The following PACRG variants were observed in gnomAD, a reference collection of about 807,000 sequenced individuals.
The protein encoded by PACRG is parkin coregulated gene protein.
A neutral mutation model predicts 29.7 loss-of-function variants in PACRG; 29 were observed. That is an observed-to-expected ratio of 0.98 (90% confidence interval 0.73 to 1.33). The LOEUF (loss-of-function observed/expected upper bound fraction) is 1.33, where lower values mean the gene tolerates loss of function less well. PACRG is among the 40% of genes most tolerant of loss of function. PACRG has a pLI of 0.00. For missense variants in PACRG, 279 were observed against 316.2 expected (o/e 0.88, Z 0.89); for synonymous variants, 116 against 118.7 (o/e 0.98, Z 0.15).
At chr6:162,881,868 CA>C (rs1584640877) in intron 2 of PACRG, among the ~76,000 whole-genome samples, 1 of 138,280 alleles carries the variant, frequency 7.2e-6, no homozygotes. Context: ...GACCAGAGAC[CA>C]GGGGGCGCTC....
chr6:162,799,486 A>T (rs1338746329), intron 1 of PACRG, among the ~76,000 whole-genome samples: 2 of 152,098 alleles, frequency 1.3e-5, no homozygotes, highest in Non-Finnish European at 2.9e-5. Context: ...TATGTGTGTG[A>T]TATATATTTC....
intron 2 of PACRG, among the ~76,000 whole-genome samples, chr6:162,920,653 T>A (rs1797002931): frequency 6.6e-6 from 1 of 152,196 alleles, no homozygotes; most frequent in Non-Finnish European, 1.5e-5. Flanking sequence ...AACACTTCAC[T>A]GTATAAAAAT....
At chr6:163,104,928 C>A (rs1429829082) in intron 4 of PACRG, among the ~76,000 whole-genome samples, 1 of 152,078 alleles carries the variant, frequency 6.6e-6, no homozygotes, top group Admixed American at 6.6e-5. Flanking sequence ...CTAGTCTTAA[C>A]AATAACTCAT....
intron 2 of PACRG, among the ~76,000 whole-genome samples, chr6:162,937,988 G>A (rs560049526): frequency 6.6e-6 from 1 of 151,888 alleles, no homozygotes; most frequent in Non-Finnish European, 1.5e-5. Context: ...AGATTTTGGT[G>A]CACCCATTAC....
intron 2 of PACRG, among the ~76,000 whole-genome samples, chr6:162,981,584 G>C (rs2128172569): frequency 6.6e-6 from 1 of 151,976 alleles, no homozygotes; most frequent in South Asian, 2.1e-4. Context: ...AAAGATGGTG[G>C]TATTTTGATG....
intron 1 of PACRG, among the ~76,000 whole-genome samples, chr6:162,729,826 A>C (rs1404356320): frequency 1.3e-5 from 2 of 152,052 alleles, no homozygotes; most frequent in Non-Finnish European, 2.9e-5. Context: ...AGTTCTGCAA[A>C]ATCTGATGTT....
intron 1 of PACRG, among the ~76,000 whole-genome samples, chr6:162,751,109 TTTTA>T (rs1235643774): frequency 1.3e-5 from 2 of 152,320 alleles, no homozygotes; most frequent in Admixed American, 1.3e-4. Flanking sequence ...TATACATTAT[TTTTA>T]TTTGTGTTTA....
At chr6:162,909,283 C>T (rs186510571) in intron 2 of PACRG, among the ~76,000 whole-genome samples, 30 of 152,106 alleles carry the variant, frequency 2.0e-4, no homozygotes, top group South Asian at 1.2e-3. Context: ...TGGCCAGGCG[C>T]GGGGGCTCAT....
chr6:162,946,021 A>G (rs192546119), intron 2 of PACRG, among the ~76,000 whole-genome samples: 276 of 152,258 alleles, frequency 1.8e-3, no homozygotes, highest in African/African-American at 6.0e-3. Flanking sequence ...CACTGTTCAA[A>G]GGAAAGTTTA....
intron 3 of PACRG, among the ~76,000 whole-genome samples, chr6:163,079,360 T>C (rs1356932400): frequency 1.3e-5 from 2 of 150,658 alleles, no homozygotes; most frequent in Non-Finnish European, 2.9e-5. Context: ...TACAGGCTGG[T>C]ACCAAATCAT....
At chr6:162,972,193 C>A (rs187374457) in intron 2 of PACRG, among the ~76,000 whole-genome samples, 1 of 152,142 alleles carries the variant, frequency 6.6e-6, no homozygotes, top group Non-Finnish European at 1.5e-5. Context: ...ACAAAGAGAT[C>A]GGCTTGAGTG....
intron 1 of PACRG, among the ~76,000 whole-genome samples, chr6:162,743,343 A>G (rs1438474304): frequency 6.6e-6 from 1 of 152,180 alleles, no homozygotes; most frequent in East Asian, 1.9e-4. Context: ...ATAAAAGAGA[A>G]AAGATAAATC....
intron 2 of PACRG, among the ~76,000 whole-genome samples, chr6:162,950,876 T>A (rs1799598208): frequency 6.6e-6 from 1 of 152,182 alleles, no homozygotes; most frequent in Admixed American, 6.5e-5. Context: ...AACCAGTTGA[T>A]GAAAATAAGC....
At chr6:163,305,065 C>A (rs2128191339) in intron 4 of PACRG, among the ~76,000 whole-genome samples, 1 of 152,316 alleles carries the variant, frequency 6.6e-6, no homozygotes, top group East Asian at 1.9e-4. Context: ...AAAGGAGGGC[C>A]AAGGGCAGCA....
At chr6:163,290,537 C>T (rs1170816034) in intron 4 of PACRG, among the ~76,000 whole-genome samples, 1 of 152,162 alleles carries the variant, frequency 6.6e-6, no homozygotes, top group African/African-American at 2.4e-5. Flanking sequence ...CACCCCTGGA[C>T]CTGCGGCTGC....
intron 2 of PACRG, among the ~76,000 whole-genome samples, chr6:162,862,769 T>A (rs1273595492): frequency 2.0e-5 from 3 of 152,086 alleles, no homozygotes; most frequent in African/African-American, 7.2e-5. Context: ...GAGAGCCACT[T>A]TGGGGAAGTG....
intron 1 of PACRG, among the ~76,000 whole-genome samples, chr6:162,806,846 A>G (rs1046266745): frequency 1.3e-5 from 2 of 152,226 alleles, no homozygotes; most frequent in Admixed American, 6.5e-5. Flanking sequence ...AAAGCCAAGC[A>G]TTGAATTATC....
At chr6:163,281,314 A>G (rs1784219744) in intron 4 of PACRG, among the ~76,000 whole-genome samples, 1 of 152,144 alleles carries the variant, frequency 6.6e-6, no homozygotes, top group Non-Finnish European at 1.5e-5. Context: ...GATCATTGCC[A>G]TTGAAGAAGC....
chr6:162,766,601 T>C (rs1048156676), intron 1 of PACRG, among the ~76,000 whole-genome samples: 1 of 152,184 alleles, frequency 6.6e-6, no homozygotes, highest in African/African-American at 2.4e-5. Context: ...ATACGATAAT[T>C]CTGTTTTTGT....
Sources: gnomAD v4.1 joint callset for allele counts (sites outside exome capture counted in the v4.1 genomes callset) on GRCh38, gnomAD v4.1.1 for gene constraint, MANE v1.5 for transcripts, NCBI Gene and HGNC (gene_info 2026-07-23, HGNC 2026-07-21) for gene names.